FBXL7: variants seen among roughly 807,000 people sequenced by gnomAD.
FBXL7 encodes the protein F-box/LRR-repeat protein 7.
Under a neutral mutation model 38.3 loss-of-function variants are expected in FBXL7, and 12 were observed. That is an observed-to-expected ratio of 0.31 (90% CI 0.20 to 0.51). FBXL7 has a LOEUF of 0.51. Ranked by LOEUF, FBXL7 falls within the 20% of genes least tolerant of loss-of-function variation. The pLI is 0.98. For synonymous variants in FBXL7, 297 were observed against 300.9 expected (o/e 0.99, Z 0.13); for missense variants, 567 against 676.4 (o/e 0.84, Z 1.79).
chr5:15,577,458 T>A (rs553047520), intron 1 of FBXL7, among the ~76,000 whole-genome samples: 1 of 152,330 alleles, frequency 6.6e-6, no homozygotes, highest in East Asian at 1.9e-4. Flanking sequence ...TTTAGCTAGC[T>A]GCATTGCATC....
chr5:15,666,817 C>T, intron 2 of FBXL7, among the ~76,000 whole-genome samples: 1 of 152,100 alleles, frequency 6.6e-6, no homozygotes, highest in South Asian at 2.1e-4. Flanking sequence ...GGCTCATCTG[C>T]ATTGTTAGAG....
intron 2 of FBXL7, among the ~76,000 whole-genome samples, chr5:15,735,623 C>A (rs182324390): frequency 6.6e-6 from 1 of 152,324 alleles, no homozygotes; most frequent in East Asian, 1.9e-4. Flanking sequence ...TTGATTTCCA[C>A]AGCTATTTAA....
chr5:15,648,523 C>A (rs1332426249), intron 2 of FBXL7, among the ~76,000 whole-genome samples: 5 of 152,328 alleles, frequency 3.3e-5, no homozygotes, highest in African/African-American at 1.2e-4. Flanking sequence ...GTGATCATTT[C>A]TTTTGCCTGT....
chr5:15,800,269 G>C (rs1436344053), intron 2 of FBXL7, among the ~76,000 whole-genome samples: 1 of 152,100 alleles, frequency 6.6e-6, no homozygotes, highest in African/African-American at 2.4e-5. Context: ...ATCTCAATAG[G>C]CTTCACATCT....
At chr5:15,643,869 G>A (rs17545432) in intron 2 of FBXL7, among the ~76,000 whole-genome samples, 70,653 of 152,014 alleles carry the variant, frequency 0.46, 17,188 homozygotes, top group African/African-American at 0.62. Context: ...ATGTCAAACA[G>A]AAACAGGGAG....
intron 2 of FBXL7, among the ~76,000 whole-genome samples, chr5:15,719,722 C>A (rs1336650747): frequency 6.7e-6 from 1 of 148,730 alleles, no homozygotes; most frequent in Non-Finnish European, 1.5e-5. Flanking sequence ...AAGGACGGCA[C>A]TTATTTGTCA....
intron 2 of FBXL7, among the ~76,000 whole-genome samples, chr5:15,809,454 A>G (rs892084939): frequency 1.3e-5 from 2 of 152,216 alleles, no homozygotes; most frequent in African/African-American, 4.8e-5. Flanking sequence ...TAATAGAATT[A>G]ACTTCATAGG....
At chr5:15,811,559 T>G (rs1240671547) in intron 2 of FBXL7, among the ~76,000 whole-genome samples, 7 of 152,074 alleles carry the variant, frequency 4.6e-5, no homozygotes, top group Non-Finnish European at 8.8e-5. Flanking sequence ...TCTGAGGTCC[T>G]GGGGGATAGG....
chr5:15,803,819 T>A (rs565844237), intron 2 of FBXL7, among the ~76,000 whole-genome samples: 35 of 152,286 alleles, frequency 2.3e-4, no homozygotes, highest in African/African-American at 8.2e-4. Flanking sequence ...AAGGACTCTG[T>A]GCAAGTGAGG....
At chr5:15,546,349 C>G (rs1370217772) in intron 1 of FBXL7, among the ~76,000 whole-genome samples, 2 of 151,810 alleles carry the variant, frequency 1.3e-5, no homozygotes, top group Non-Finnish European at 2.9e-5. Context: ...GGTAGATCAC[C>G]TGAGGTCAGG....
At chr5:15,595,977 A>G (rs1443043778) in intron 1 of FBXL7, among the ~76,000 whole-genome samples, 1 of 152,222 alleles carries the variant, frequency 6.6e-6, no homozygotes, top group Non-Finnish European at 1.5e-5. Flanking sequence ...AAATAACAAG[A>G]TCGCAGAACA....
rs532440558 is a variant in FBXL7 at position 15,768,019 on chromosome 5, A to G, written c.127+151947A>G. Among the ~76,000 whole-genome samples the G allele has an allele frequency of 1.1e-4, 17 of 152,340 alleles. No homozygotes were observed. The East Asian group carries it at 2.9e-3, about 26-fold the overall frequency. ...ATTTTATCTCTTCAACTTCATAATA[A>G]TAGTATTTGAAATATATACAATAGA... On this transcript the variant is annotated intron_variant, in intron 2 of 3. Coordinates refer to ENST00000504595, the MANE Select transcript of FBXL7 (RefSeq NM_012304.5).
chr5:15,822,311 G>A (rs375498474), intron 2 of FBXL7, among the ~76,000 whole-genome samples: 4 of 151,224 alleles, frequency 2.6e-5, no homozygotes, highest in East Asian at 2.0e-4. Flanking sequence ...GCAGTGAGCC[G>A]AGATCACACC....
intron 2 of FBXL7, among the ~76,000 whole-genome samples, chr5:15,820,060 T>C (rs1271762115): frequency 6.6e-6 from 1 of 152,214 alleles, no homozygotes; most frequent in Non-Finnish European, 1.5e-5. Context: ...AAAAGAAATA[T>C]GAGGATTGCA....
intron 1 of FBXL7, chr5:15,580,917 G>A (rs1268212928): frequency 1.4e-6 from 1 of 696,852 alleles, no homozygotes; most frequent in Non-Finnish European, 1.8e-6. Context: ...TCCACTCTTA[G>A]CTAGCCGGGT....
intron 1 of FBXL7, among the ~76,000 whole-genome samples, chr5:15,603,024 C>G (rs1471883437): frequency 6.6e-6 from 1 of 151,982 alleles, no homozygotes; most frequent in Non-Finnish European, 1.5e-5. Flanking sequence ...TATTTTTTGT[C>G]AAGACATGAT....
intron 2 of FBXL7, among the ~76,000 whole-genome samples, chr5:15,808,135 AT>A (rs60387749): frequency 6.0e-5 from 9 of 151,128 alleles, no homozygotes; most frequent in East Asian, 5.9e-4. Flanking sequence ...CTAATTTATG[AT>A]TTTTTTTTCT....
chr5:15,726,298 G>T (rs1403562839), intron 2 of FBXL7, among the ~76,000 whole-genome samples: 1 of 152,052 alleles, frequency 6.6e-6, no homozygotes, highest in African/African-American at 2.4e-5. Flanking sequence ...CATGGCTATT[G>T]TCCCAGCTAC....
chr5:15,555,418 G>A (rs1169601487), intron 1 of FBXL7, among the ~76,000 whole-genome samples: 1 of 152,170 alleles, frequency 6.6e-6, no homozygotes, highest in Non-Finnish European at 1.5e-5. Context: ...GATCACTTTG[G>A]TTACAAGCCG....
Sources: gnomAD v4.1 joint callset for allele counts (sites outside exome capture counted in the v4.1 genomes callset) on GRCh38, gnomAD v4.1.1 for gene constraint, MANE v1.5 for transcripts, NCBI Gene and HGNC (gene_info 2026-07-23, HGNC 2026-07-21) for gene names.